Variants in LEPR observed in about 807,000 individuals in gnomAD.
The protein encoded by LEPR is leptin receptor, also known as OB receptor.
Under a neutral mutation model 114.7 loss-of-function variants are expected in LEPR, and 56 were observed. That is an observed-to-expected ratio of 0.49 (90% CI 0.39 to 0.61). LEPR has a LOEUF of 0.61. Ranked by LOEUF, LEPR falls within the 20% of genes least tolerant of loss-of-function variation. The probability of loss-of-function intolerance (pLI) is 0.00; values close to 1 mark genes in which losing one functional copy is unlikely to be tolerated. For synonymous variants in LEPR, 443 were observed against 461.4 expected (o/e 0.96, Z 0.51); for missense variants, 1,202 against 1,352.9 (o/e 0.89, Z 1.75).
At chr1:65,597,356 C>A (rs188812435) in intron 7 of LEPR, among the ~76,000 whole-genome samples, 1 of 151,904 alleles carries the variant, frequency 6.6e-6, no homozygotes, top group African/African-American at 2.4e-5. Flanking sequence ...CAGTTCGTTC[C>A]GTAAGTATTT....
intron 2 of LEPR, among the ~76,000 whole-genome samples, chr1:65,453,837 T>G (rs1400013421): frequency 6.6e-6 from 1 of 151,938 alleles, no homozygotes; most frequent in Non-Finnish European, 1.5e-5. Flanking sequence ...TGGGTATCCT[T>G]GTTGACTTTC....
intron 2 of LEPR, among the ~76,000 whole-genome samples, chr1:65,482,276 G>A (rs1294372683): frequency 6.6e-6 from 1 of 152,092 alleles, no homozygotes; most frequent in African/African-American, 2.4e-5. Context: ...ATTTTGAGAT[G>A]CTGTATCTAC....
intron 2 of LEPR, among the ~76,000 whole-genome samples, chr1:65,549,086 A>G (rs894051367): frequency 2.2e-4 from 34 of 151,712 alleles, no homozygotes; most frequent in Non-Finnish European, 7.4e-5. Flanking sequence ...TTGGCTGGAT[A>G]TGAAATTCTG....
intron 2 of LEPR, among the ~76,000 whole-genome samples, chr1:65,512,002 G>A (rs1359831597): frequency 6.6e-6 from 1 of 152,194 alleles, no homozygotes; most frequent in African/African-American, 2.4e-5. Flanking sequence ...TGCTTCTGGG[G>A]ACGCCTCAGG....
intron 5 of LEPR, among the ~76,000 whole-genome samples, chr1:65,585,478 A>T (rs1360558909): frequency 1.3e-5 from 2 of 152,056 alleles, no homozygotes; most frequent in African/African-American, 4.8e-5. Flanking sequence ...CCAAAAATGA[A>T]ATTCCAATAC....
intron 2 of LEPR, among the ~76,000 whole-genome samples, chr1:65,540,120 A>G (rs1028532340): frequency 3.1e-4 from 47 of 152,262 alleles, no homozygotes; most frequent in African/African-American, 1.1e-3. Context: ...ACATACGCAG[A>G]TATTACATGT....
At chr1:65,497,048 G>T in intron 2 of LEPR, among the ~76,000 whole-genome samples, 1 of 151,790 alleles carries the variant, frequency 6.6e-6, no homozygotes, top group Non-Finnish European at 1.5e-5. Context: ...GGCAACCAAG[G>T]TCTTGCAATC....
intron 2 of LEPR, chr1:65,432,714 A>G: frequency 1.2e-6 from 1 of 844,342 alleles, no homozygotes; most frequent in Non-Finnish European, 1.4e-6. Context: ...AGTTAGGAGG[A>G]ATAAGTGTGA....
intron 2 of LEPR, among the ~76,000 whole-genome samples, chr1:65,510,611 A>G (rs1169768038): frequency 6.6e-6 from 1 of 152,176 alleles, no homozygotes; most frequent in African/African-American, 2.4e-5. Context: ...TGGCATTTTT[A>G]TGTGCATTGC....
chr1:65,518,919 C>CTTTCTTTCTT (rs1379079788), intron 2 of LEPR, among the ~76,000 whole-genome samples: 1 of 76,016 alleles, frequency 1.3e-5, no homozygotes, highest in South Asian at 4.4e-4. Flanking sequence ...CTTTCTTTCT[C>CTTTCTTTCTT]TCTTTCTCTG....
intron 2 of LEPR, among the ~76,000 whole-genome samples, chr1:65,455,238 G>A (rs1042507526): frequency 1.1e-4 from 17 of 152,048 alleles, no homozygotes; most frequent in South Asian, 2.1e-4. Context: ...ATTTCCTCCC[G>A]TAGCTCGTAG....
At chr1:65,473,452 G>C (rs1012643005) in intron 2 of LEPR, among the ~76,000 whole-genome samples, 11 of 152,142 alleles carry the variant, frequency 7.2e-5, no homozygotes, top group African/African-American at 1.2e-4. Flanking sequence ...CAATACAAAA[G>C]TTATTGACCC....
intron 2 of LEPR, among the ~76,000 whole-genome samples, chr1:65,548,189 C>T (rs1651937438): frequency 6.6e-6 from 1 of 152,214 alleles, no homozygotes; most frequent in East Asian, 1.9e-4. Context: ...GTTATAATTT[C>T]TGTTCTTTTA....
At chr1:65,500,046 T>A (rs1648365222) in intron 2 of LEPR, among the ~76,000 whole-genome samples, 1 of 152,106 alleles carries the variant, frequency 6.6e-6, no homozygotes, top group Non-Finnish European at 1.5e-5. Flanking sequence ...TAATAGTGAA[T>A]GAGTTCTCAT....
At chr1:65,526,122 C>A in intron 2 of LEPR, 10 of 971,812 alleles carry the variant, frequency 1.0e-5, no homozygotes, top group Non-Finnish European at 1.2e-5. Context: ...AGAGAGCATG[C>A]CACCCGGCCA....
intron 5 of LEPR, among the ~76,000 whole-genome samples, chr1:65,575,251 T>A (rs76912411): frequency 0.052 from 7,935 of 151,934 alleles, 308 homozygotes; most frequent in Middle Eastern, 0.082. Context: ...AGAACTATGG[T>A]TTGCAGAGTT....
intron 2 of LEPR, among the ~76,000 whole-genome samples, chr1:65,485,656 T>A (rs1233785090): frequency 1.3e-5 from 2 of 152,204 alleles, no homozygotes; most frequent in African/African-American, 4.8e-5. Flanking sequence ...TTTTCCTGTC[T>A]GCTACAAGTT....
intron 18 of LEPR, 49 bp downstream of exon 18, chr1:65,621,507 A>G (rs191691958): frequency 4.0e-6 from 6 of 1,482,194 alleles, no homozygotes; most frequent in Admixed American, 1.7e-5. Context: ...CCTTACGCGT[A>G]TTCAAACCCT....
chr1:65,608,496 G>T (rs565521163), intron 11 of LEPR, among the ~76,000 whole-genome samples: 1 of 152,086 alleles, frequency 6.6e-6, no homozygotes, highest in East Asian at 1.9e-4. Flanking sequence ...TTCTAATCAG[G>T]TACTACTACT....
Sources: gnomAD v4.1 joint callset for allele counts (sites outside exome capture counted in the v4.1 genomes callset) on GRCh38, gnomAD v4.1.1 for gene constraint, MANE v1.5 for transcripts, NCBI Gene and HGNC (gene_info 2026-07-23, HGNC 2026-07-21) for gene names.